DNAH8: variants seen among roughly 807,000 people sequenced by gnomAD.
The protein encoded by DNAH8 is dynein axonemal heavy chain 8.
Under a neutral mutation model 562.1 loss-of-function variants are expected in DNAH8, and 382 were observed. That is an observed-to-expected ratio of 0.68 (90% confidence interval 0.63 to 0.74). The LOEUF (loss-of-function observed/expected upper bound fraction) is 0.74, where lower values mean the gene tolerates loss of function less well. Ranked by LOEUF, DNAH8 falls within the 30% of genes least tolerant of loss-of-function variation. The probability of loss-of-function intolerance (pLI) is 0.00; values close to 1 mark genes in which losing one functional copy is unlikely to be tolerated. For synonymous variants in DNAH8, 1,881 were observed against 1,919.4 expected (o/e 0.98, Z 0.52); for missense variants, 5,203 against 5,620.4 (o/e 0.93, Z 2.37).
rs761842930 is a variant in DNAH8, at chr6:38,803,210, A to C, written c.2933A>C (p.Asn978Thr). The C allele has an allele frequency of 3.7e-6, 6 of 1,605,948 alleles. No individual in the cohort carries two copies. The South Asian group carries it at 4.5e-5, about 12-fold the overall frequency. ...ACAAAAGAATGGGCTGACATTCTAA[A>C]CCACAAAAGTAAGCATGTGGAAGAA... ...TYTKEWADIL[N>T]HKSKHVEEAV... The change falls in exon 22 of 93, where the codon AAC becomes ACC. Residue 978 changes from asparagine (N) to threonine (T), a missense_variant. Transcript: ENST00000327475.
intron 82 of DNAH8, 42 bp from the exon 83 acceptor site, chr6:38,971,550 A>C: frequency 1.6e-6 from 2 of 1,214,398 alleles, no homozygotes; most frequent in Non-Finnish European, 2.3e-6. Flanking sequence ...TCCTGCTGTA[A>C]GAGTTGTGTT....
In DNAH8 at chr6:38,779,975, G is replaced by A; in HGVS notation, c.2049G>A (p.Lys683=). The A allele has an allele frequency of 6.2e-7, 1 of 1,613,904 alleles. No individual in the cohort carries two copies. Among genetic ancestry groups the A allele is most frequent in the Non-Finnish European group, 8.5e-7 (1 of 1,179,908 alleles). ...CTTTGATTACTTTTAGGTTTCAGAA[G>A]CTGAACATTCCCTGTCTGGGATTAG... ...QALQLLQRFQ[K]LNIPCLGLEI... is the part of the protein sequence containing the mutation. The change falls in exon 15 of 93, where the codon AAG becomes AAA. Residue 683 remains lysine, a synonymous_variant. Transcript: ENST00000327475.
At chr6:38,991,681 G>T (rs982539145) in intron 88 of DNAH8, among the ~76,000 whole-genome samples, 1 of 151,742 alleles carries the variant, frequency 6.6e-6, no homozygotes, top group African/African-American at 2.4e-5. Flanking sequence ...TCCCACCTTC[G>T]TGCCCACTCA....
chr6:38,915,209 A>C lies in DNAH8; in HGVS notation c.9972A>C (p.Ala3324=), dbSNP rs755263773. 22 of 1,599,852 alleles carry C rather than the reference A, an allele frequency of 1.4e-5. No individual in the cohort carries two copies. The African/African-American group carries it at 2.0e-4, about 15-fold the overall frequency. Residue 3324 remains alanine, a synonymous_variant, in exon 68 of 93, where the codon GCA becomes GCC. Transcript: ENST00000327475. The part of the protein sequence containing the change: ...VASIKADEVL[A]EVTVSAQASA... ...TTTCCTCAACTTAACAGGTATTAGC[A>C]GAAGTCACAGTAAGCGCTCAGGCTT...
chr6:39,014,365 C>T (rs545381449), intron 91 of DNAH8, among the ~76,000 whole-genome samples: 2 of 152,216 alleles, frequency 1.3e-5, no homozygotes, highest in South Asian at 2.1e-4. Flanking sequence ...TTGAGTAAGT[C>T]GTCACCAGGT....
At chr6:38,887,479 A>G (rs1779016767) in intron 57 of DNAH8, among the ~76,000 whole-genome samples, 1 of 152,200 alleles carries the variant, frequency 6.6e-6, no homozygotes, top group Non-Finnish European at 1.5e-5. Context: ...GACCAAGGTG[A>G]GAGAATTGCT....
At chr6:38,933,996 T>C (rs1782755726) in intron 76 of DNAH8, among the ~76,000 whole-genome samples, 1 of 152,232 alleles carries the variant, frequency 6.6e-6, no homozygotes, top group Non-Finnish European at 1.5e-5. Context: ...AGCTTATGTA[T>C]CTGTTTTCTA....
chr6:38,828,895 C>G (rs78006947), intron 30 of DNAH8, among the ~76,000 whole-genome samples: 2,268 of 152,322 alleles, frequency 0.015, 34 homozygotes, highest in Middle Eastern at 0.024. Context: ...CTGATTCTCT[C>G]TCTTGCCCCA....
At chr6:38,795,361 C>T (rs898345510) in intron 21 of DNAH8, among the ~76,000 whole-genome samples, 4 of 152,228 alleles carry the variant, frequency 2.6e-5, no homozygotes, top group South Asian at 4.1e-4. Flanking sequence ...AGGTGGATCA[C>T]GAGGTCAGGA....
chr6:38,763,061 A>G (rs183416167), intron 11 of DNAH8: 5,698 of 384,436 alleles, frequency 0.015, 244 homozygotes, highest in African/African-American at 0.099. Context: ...AGTGGTTTTA[A>G]AACATCATGG....
At chr6:38,876,309 G>C (rs1257782155) in intron 53 of DNAH8, among the ~76,000 whole-genome samples, 2 of 152,140 alleles carry the variant, frequency 1.3e-5, no homozygotes, top group African/African-American at 2.4e-5. Context: ...CCAGCTCACT[G>C]CTCCTTAAAA....
intron 37 of DNAH8, among the ~76,000 whole-genome samples, chr6:38,849,863 C>A (rs1775605110): frequency 6.6e-6 from 1 of 151,766 alleles, no homozygotes; most frequent in Admixed American, 6.6e-5. Flanking sequence ...GTAATTATTC[C>A]AAGGATCCTG....
At chr6:38,805,889 C>T (rs576528761) in intron 23 of DNAH8, among the ~76,000 whole-genome samples, 1 of 152,288 alleles carries the variant, frequency 6.6e-6, no homozygotes, top group South Asian at 2.1e-4. Flanking sequence ...ATTGGAGCAG[C>T]TGATCCGTTT....
rs1178485847 is a variant in DNAH8, at chr6:38,868,043, C to T, written c.6694-19C>T. On this transcript the variant is annotated intron_variant, in intron 47 of 92. Transcript: ENST00000327475. ...GTTTTTCAATTAAACCATCTTTTTG[C>T]CCTCTTCTCCCATCTCAGGTTCATT... is the stretch of plus-strand genomic sequence containing the variant. 1.3e-6 allele frequency: 2 copies of T among 1,599,798 alleles called. No homozygotes were observed. The highest frequency in any genetic ancestry group is 1.4e-5 in the African/African-American group (1 of 74,064).
At chr6:39,002,143 G>A (rs1457748690) in intron 88 of DNAH8, among the ~76,000 whole-genome samples, 1 of 152,162 alleles carries the variant, frequency 6.6e-6, no homozygotes, top group Non-Finnish European at 1.5e-5. Flanking sequence ...GGGCTCCAGG[G>A]AAATGTGGAT....
Position 38,954,865 on chromosome 6 carries a change from T to C in DNAH8, c.12451+3345T>C, listed in dbSNP as rs1227676845. Among the ~76,000 whole-genome samples, 3 of 152,346 alleles carry C rather than the reference T, an allele frequency of 2.0e-5. No homozygotes were observed. In the East Asian group the frequency reaches 5.8e-4, roughly 29 times the overall value. On this transcript the variant is annotated intron_variant, in intron 82 of 92. Transcript: ENST00000327475. ...AAGTAGAAGTTTTAAAATTATTACA[T>C]CAGCAAAGGCTCTAGGCTTGGATAA... is the stretch of plus-strand genomic sequence containing the variant.
Position 38,873,320 on chromosome 6 carries a change from A to G in DNAH8, c.7564A>G (p.Met2522Val), listed in dbSNP as rs781011370. 37 of 1,613,284 alleles carry G rather than the reference A, an allele frequency of 2.3e-5. No homozygotes were observed. Among genetic ancestry groups the G allele is most frequent in the South Asian group, 4.4e-5 (4 of 90,810 alleles). Residue 2522 changes from methionine (M) to valine (V), a missense_variant, in exon 52 of 93, where the codon ATG (methionine) becomes GTG (valine). This residue lies in a region of DNAH8 where 977 missense variants were observed against 1,061.8 expected (regional missense o/e 0.92). Coordinates refer to ENST00000327475, the MANE Select transcript of DNAH8 (RefSeq NM_001206927.2). The stretch of plus-strand genomic sequence containing the variant: ...AGTCTTTGAAGATACATACACATAT[A>G]TGAAGCTAAATCTCAATCCCAAAAT... Reference protein sequence around the residue: ...EKVFEDTYTYMKLNLNPKMQL... With the variant: ...EKVFEDTYTYVKLNLNPKMQL...
intron 21 of DNAH8, among the ~76,000 whole-genome samples, chr6:38,802,025 TG>T (rs745518547): frequency 5.0e-4 from 76 of 152,056 alleles, no homozygotes; most frequent in Middle Eastern, 3.4e-3. Context: ...TGCTGCCTCC[TG>T]GGCTCAAGCA....
intron 79 of DNAH8, among the ~76,000 whole-genome samples, chr6:38,941,429 T>G (rs906304546): frequency 7.2e-5 from 11 of 152,254 alleles, no homozygotes; most frequent in South Asian, 2.1e-4. Context: ...AATCTCTTCT[T>G]TGTGCCTTTT....
Sources: allele counts gnomAD v4.1 joint callset (sites outside exome capture counted in the v4.1 genomes callset), GRCh38; gene constraint gnomAD v4.1.1; regional missense constraint gnomAD v4.1.1; transcripts MANE v1.5; gene names NCBI Gene and HGNC (gene_info 2026-07-23, HGNC 2026-07-21).